Variants in SLC4A4 observed in about 807,000 individuals in gnomAD.
SLC4A4 encodes the protein solute carrier family 4 member 4.
In SLC4A4, 27 loss-of-function variants were observed where a neutral mutation model predicts 111.5. The observed-to-expected ratio is 0.24, with a 90% CI of 0.18 to 0.33. SLC4A4 has a LOEUF of 0.33. Ranked by LOEUF, SLC4A4 falls within the 10% of genes least tolerant of loss-of-function variation. The pLI is 1.00. For synonymous variants in SLC4A4, 443 were observed against 463.4 expected (o/e 0.96, Z 0.57); for missense variants, 909 against 1,315.5 (o/e 0.69, Z 4.78).
intron 4 of SLC4A4, among the ~76,000 whole-genome samples, chr4:71,341,740 G>T (rs745566799): frequency 1.3e-5 from 2 of 151,940 alleles, no homozygotes; most frequent in South Asian, 2.1e-4. Flanking sequence ...AGCCCTTTGG[G>T]ATTTTTAATA....
intron 1 of SLC4A4, among the ~76,000 whole-genome samples, chr4:71,219,565 C>T (rs1195187092): frequency 6.6e-6 from 1 of 152,126 alleles, no homozygotes; most frequent in African/African-American, 2.4e-5. Context: ...GGAGTAATTT[C>T]GACTTTCAAG....
At chr4:71,438,976 C>T (rs1724414701) in intron 7 of SLC4A4, among the ~76,000 whole-genome samples, 2 of 151,064 alleles carry the variant, frequency 1.3e-5, no homozygotes, top group Non-Finnish European at 2.9e-5. Flanking sequence ...AGGATGCATT[C>T]TATTTGTAAA....
chr4:71,164,875 A>G (rs113195612), intron 2 of SLC4A4, among the ~76,000 whole-genome samples: 2,030 of 152,134 alleles, frequency 0.013, 44 homozygotes, highest in African/African-American at 0.047. Context: ...CAAAAAAACC[A>G]TCAAAAAGTG....
At chr4:71,387,465 A>C (rs1396973610) in intron 6 of SLC4A4, among the ~76,000 whole-genome samples, 1 of 152,122 alleles carries the variant, frequency 6.6e-6, no homozygotes, top group Non-Finnish European at 1.5e-5. Context: ...TAAGTTTACC[A>C]TTTTGAAGTG....
intron 1 of SLC4A4, among the ~76,000 whole-genome samples, chr4:71,087,270 T>A (rs1326723832): frequency 1.3e-5 from 2 of 151,908 alleles, no homozygotes; most frequent in East Asian, 3.9e-4. Flanking sequence ...ATCATTTTTT[T>A]TTGCATCTAT....
chr4:71,258,865 C>T (rs1361843749), intron 3 of SLC4A4, among the ~76,000 whole-genome samples: 1 of 152,106 alleles, frequency 6.6e-6, no homozygotes, highest in African/African-American at 2.4e-5. Context: ...GCTTGTTAAC[C>T]ACAGGTGAGG....
intron 1 of SLC4A4, among the ~76,000 whole-genome samples, chr4:71,200,326 T>C (rs1280909231): frequency 3.9e-5 from 6 of 152,206 alleles, no homozygotes; most frequent in Admixed American, 3.3e-4. Context: ...TTCTGATAAT[T>C]GAAGCTTATT....
intron 2 of SLC4A4, among the ~76,000 whole-genome samples, chr4:71,244,401 G>T (rs1236787249): frequency 6.6e-6 from 1 of 152,154 alleles, no homozygotes; most frequent in South Asian, 2.1e-4. Flanking sequence ...AATGCTCTAA[G>T]AATTTTTGGA....
intron 2 of SLC4A4, among the ~76,000 whole-genome samples, chr4:71,245,638 A>C (rs929413851): frequency 6.6e-6 from 1 of 152,064 alleles, no homozygotes; most frequent in Non-Finnish European, 1.5e-5. Flanking sequence ...AGCACCTGTG[A>C]GATACCGCAG....
intron 18 of SLC4A4, among the ~76,000 whole-genome samples, chr4:71,538,658 A>G (rs1302504054): frequency 6.6e-6 from 1 of 152,122 alleles, no homozygotes; most frequent in Non-Finnish European, 1.5e-5. Context: ...GCATTGTGGT[A>G]TTAAAAACAG....
At chr4:71,559,172 G>A (rs1450635093) in intron 22 of SLC4A4, among the ~76,000 whole-genome samples, 1 of 151,880 alleles carries the variant, frequency 6.6e-6, no homozygotes, top group Non-Finnish European at 1.5e-5. Context: ...CTGTCATATA[G>A]AGAGCACGAT....
intron 2 of SLC4A4, among the ~76,000 whole-genome samples, chr4:71,102,950 G>T (rs1412420291): frequency 4.0e-5 from 6 of 149,654 alleles, no homozygotes; most frequent in African/African-American, 9.8e-5. Flanking sequence ...TGGACTAAAT[G>T]CTCCAATTAA....
chr4:71,484,227 C>T, intron 14 of SLC4A4, among the ~76,000 whole-genome samples: 1 of 151,652 alleles, frequency 6.6e-6, no homozygotes, highest in African/African-American at 2.4e-5. Context: ...CTTTTGGCAT[C>T]TTTGTCATGA....
chr4:71,474,813 A>T (rs146287652), intron 14 of SLC4A4, among the ~76,000 whole-genome samples: 46 of 152,008 alleles, frequency 3.0e-4, no homozygotes, highest in Non-Finnish European at 4.3e-4. Context: ...TACTGATTTG[A>T]AATATTTGAT....
At chr4:71,339,262 A>C in intron 3 of SLC4A4, 108 bp from the exon 4 acceptor site, 1 of 1,614,162 alleles carries the variant, frequency 6.2e-7, no homozygotes, top group South Asian at 1.1e-5. Context: ...TCCACTGAAA[A>C]TGTGGAAGGG....
chr4:71,445,043 C>T (rs1419436958), intron 8 of SLC4A4, among the ~76,000 whole-genome samples: 1 of 151,972 alleles, frequency 6.6e-6, no homozygotes, highest in African/African-American at 2.4e-5. Context: ...ATTGCATTAC[C>T]CAGGAAAGAG....
Position 71,557,652 on chromosome 4 carries a change from A to G in SLC4A4, c.2764-60A>G, listed in dbSNP as rs1428174103. 4 of 1,492,766 alleles carry G rather than the reference A, an allele frequency of 2.7e-6. No individual in the cohort carries two copies. In the East Asian group the frequency reaches 9.1e-5, roughly 34 times the overall value. 92.5% of individuals were successfully genotyped at this position (1,492,766 alleles called of 1,614,324 possible). A position where few individuals can be genotyped will look rare whatever the true frequency, so the allele number is the denominator to read the frequency against. ...GAATATAAATCAGTAGTGATTAGTT[A>G]GGCATAGTGGAAATGTAATGCAGTA... On this transcript the variant is annotated intron_variant, in intron 21 of 25. Transcript: ENST00000264485.
At chr4:71,189,068 C>G (rs1006796490) in intron 1 of SLC4A4, among the ~76,000 whole-genome samples, 9 of 152,054 alleles carry the variant, frequency 5.9e-5, no homozygotes, top group Non-Finnish European at 1.3e-4. Flanking sequence ...ACATTATGAG[C>G]TGTTGAGGCA....
At chr4:71,081,207 C>T (rs1455299423) in intron 1 of SLC4A4, among the ~76,000 whole-genome samples, 1 of 152,136 alleles carries the variant, frequency 6.6e-6, no homozygotes, top group Non-Finnish European at 1.5e-5. Context: ...CTTAATGGCT[C>T]TGCATCTTAG....
Sources: gnomAD v4.1 joint callset for allele counts (sites outside exome capture counted in the v4.1 genomes callset) on GRCh38, gnomAD v4.1.1 for gene constraint, MANE v1.5 for transcripts, NCBI Gene and HGNC (gene_info 2026-07-23, HGNC 2026-07-21) for gene names.